The following TENM3 variants were observed in gnomAD, a reference collection of about 807,000 sequenced individuals.
The protein encoded by TENM3 is teneurin transmembrane protein 3.
A neutral mutation model predicts 255.1 loss-of-function variants in TENM3; 63 were observed. The observed-to-expected ratio is 0.25, with a 90% CI of 0.20 to 0.30. TENM3 has a LOEUF of 0.30. Ranked by LOEUF, TENM3 falls within the 10% of genes least tolerant of loss-of-function variation. The pLI, the probability that TENM3 is intolerant of heterozygous loss-of-function variation, is 1.00. For synonymous variants in TENM3, 1,306 were observed against 1,322.3 expected, an observed-to-expected ratio of 0.99 and a Z score of 0.27; for missense variants, 2,929 against 3,461.1, an observed-to-expected ratio of 0.85 and a Z score of 3.86.
the TENM3 span, among the ~76,000 whole-genome samples, chr4:181,498,294 GA>G: frequency 1.2e-4 from 18 of 151,874 alleles, no homozygotes; most frequent in African/African-American, 2.7e-4. Context: ...TCAAGTGTGT[GA>G]AAAAAAAGCT....
intron 3 of TENM3, among the ~76,000 whole-genome samples, chr4:182,582,213 C>T (rs927763864): frequency 2.6e-5 from 4 of 152,128 alleles, no homozygotes; most frequent in African/African-American, 4.8e-5. Context: ...TGAATTTCTA[C>T]GGTACTGCCT....
the TENM3 span, among the ~76,000 whole-genome samples, chr4:181,960,989 C>T: frequency 6.0e-3 from 906 of 152,212 alleles, 9 homozygotes; most frequent in African/African-American, 0.021. Context: ...GAATAGATGG[C>T]TTTGGATGTC....
At chr4:181,585,404 T>C in the TENM3 span, among the ~76,000 whole-genome samples, 2 of 152,166 alleles carry the variant, frequency 1.3e-5, no homozygotes, top group African/African-American at 2.4e-5. Flanking sequence ...GGAAAAATGT[T>C]TGGAGGAAAG....
At chr4:181,648,077 G>C in the TENM3 span, among the ~76,000 whole-genome samples, 1 of 152,154 alleles carries the variant, frequency 6.6e-6, no homozygotes, top group African/African-American at 2.4e-5. Context: ...GTCCCGTGTT[G>C]CACATTTAGG....
intron 3 of TENM3, among the ~76,000 whole-genome samples, chr4:182,592,289 CCA>C (rs1251889177): frequency 6.6e-6 from 1 of 152,078 alleles, no homozygotes; most frequent in Non-Finnish European, 1.5e-5. Flanking sequence ...TTCTGGAAAG[CCA>C]CAGAGTTAGT....
the TENM3 span, among the ~76,000 whole-genome samples, chr4:182,098,206 G>C: frequency 6.6e-6 from 1 of 152,174 alleles, no homozygotes; most frequent in Non-Finnish European, 1.5e-5. Context: ...AGGATGCAAA[G>C]AAAGGGAAAC....
chr4:182,216,866 G>C (rs72696054), intron 1 of TENM3, among the ~76,000 whole-genome samples: 34,122 of 152,044 alleles, frequency 0.22, 4,758 homozygotes, highest in South Asian at 0.39. Context: ...AACAATGGCA[G>C]ACTTGCATTC....
the TENM3 span, among the ~76,000 whole-genome samples, chr4:182,115,673 C>T: frequency 2.0e-5 from 3 of 152,166 alleles, no homozygotes; most frequent in Non-Finnish European, 4.4e-5. Flanking sequence ...GCAGCTTTCT[C>T]TTTTCTCATT....
At chr4:181,618,659 A>C in the TENM3 span, among the ~76,000 whole-genome samples, 1 of 152,168 alleles carries the variant, frequency 6.6e-6, no homozygotes, top group African/African-American at 2.4e-5. Context: ...AAAGCCTAAA[A>C]CTTATTTCTC....
intron 5 of TENM3, among the ~76,000 whole-genome samples, chr4:182,639,399 C>A (rs897581900): frequency 6.6e-6 from 1 of 152,144 alleles, no homozygotes; most frequent in Admixed American, 6.5e-5. Context: ...ATGTGCCTGG[C>A]AAAATGTAAG....
the TENM3 span, among the ~76,000 whole-genome samples, chr4:181,895,265 G>A: frequency 6.6e-6 from 1 of 151,844 alleles, no homozygotes; most frequent in Admixed American, 6.6e-5. Flanking sequence ...CTTTTAGTGA[G>A]GGCCTAAACA....
the TENM3 span, among the ~76,000 whole-genome samples, chr4:181,491,381 T>C: frequency 6.6e-6 from 1 of 152,028 alleles, no homozygotes; most frequent in Admixed American, 6.6e-5. Context: ...TAAATGTGTA[T>C]GTTGATTATT....
At chr4:181,883,501 CG>C in the TENM3 span, among the ~76,000 whole-genome samples, 1 of 152,146 alleles carries the variant, frequency 6.6e-6, no homozygotes, top group African/African-American at 2.4e-5. Flanking sequence ...GGCGGAGTCT[CG>C]CTCTGTCTGT....
chr4:182,066,110 C>T, the TENM3 span, among the ~76,000 whole-genome samples: 10,220 of 152,236 alleles, frequency 0.067, 426 homozygotes, highest in Middle Eastern at 0.11. Context: ...TACGTTCCCA[C>T]CAGCAATGCA....
At chr4:182,017,456 A>G in the TENM3 span, among the ~76,000 whole-genome samples, 88 of 152,348 alleles carry the variant, frequency 5.8e-4, no homozygotes, top group Non-Finnish European at 1.1e-3. Flanking sequence ...GAGGAACATC[A>G]TATTATACTT....
At chr4:181,637,356 TCC>T in the TENM3 span, among the ~76,000 whole-genome samples, 1 of 152,168 alleles carries the variant, frequency 6.6e-6, no homozygotes, top group Non-Finnish European at 1.5e-5. Flanking sequence ...CCCCAGCAAC[TCC>T]GGGCTGTGGA....
the TENM3 span, among the ~76,000 whole-genome samples, chr4:182,118,424 T>C: frequency 6.6e-6 from 1 of 152,050 alleles, no homozygotes; most frequent in Admixed American, 6.6e-5. Flanking sequence ...TAGGGGTTTT[T>C]TTGTAGATTT....
the TENM3 span, among the ~76,000 whole-genome samples, chr4:181,990,162 A>T: frequency 2.2e-4 from 34 of 152,292 alleles, no homozygotes; most frequent in East Asian, 6.2e-3. Flanking sequence ...ATATTCTATT[A>T]AAGGTACTTT....
At chr4:182,516,754 G>A (rs1323758342) in intron 3 of TENM3, among the ~76,000 whole-genome samples, 2 of 152,072 alleles carry the variant, frequency 1.3e-5, no homozygotes, top group Non-Finnish European at 2.9e-5. Context: ...AGCTGGGCGT[G>A]ATGGCACACA....
Sources: gnomAD v4.1 joint callset for allele counts (sites outside exome capture counted in the v4.1 genomes callset) on GRCh38, gnomAD v4.1.1 for gene constraint, MANE v1.5 for transcripts, NCBI Gene and HGNC (gene_info 2026-07-23, HGNC 2026-07-21) for gene names.